The following CD8B2 variants were observed in gnomAD, a reference collection of about 807,000 sequenced individuals.
CD8B2 encodes CD8B family member 2.
In CD8B2, 11 loss-of-function variants were observed where a neutral mutation model predicts 23.7. That is an observed-to-expected ratio of 0.46 (90% confidence interval 0.29 to 0.77). CD8B2 has a LOEUF of 0.77. Among genes scored for constraint, CD8B2 ranks in the 30% least tolerant of loss-of-function variants. The pLI, the probability that CD8B2 is intolerant of heterozygous loss-of-function variation, is 0.09. For synonymous variants in CD8B2, 90 were observed against 109.3 expected (o/e 0.82, Z 1.10); for missense variants, 197 against 270.5 (o/e 0.73, Z 1.91).
At chr2:106,534,709 G>A (rs773645122) in intron 5 of CD8B2, among the ~76,000 whole-genome samples, 7 of 152,178 alleles carry the variant, frequency 4.6e-5, no homozygotes, top group South Asian at 2.1e-4. Flanking sequence ...GCTGATTGTC[G>A]CAGGGGTCTA....
intron 2 of CD8B2, among the ~76,000 whole-genome samples, chr2:106,494,494 G>C (rs549306479): frequency 6.7e-6 from 1 of 149,650 alleles, no homozygotes; most frequent in East Asian, 1.9e-4. Context: ...CTGTCCCCCT[G>C]ACTCTAGAGT....
intron 5 of CD8B2, among the ~76,000 whole-genome samples, chr2:106,530,441 C>T (rs1256359724): frequency 5.9e-5 from 9 of 152,132 alleles, no homozygotes; most frequent in African/African-American, 1.7e-4. Flanking sequence ...TGCAGTGGCG[C>T]GATCTCGGCT....
intron 5 of CD8B2, among the ~76,000 whole-genome samples, chr2:106,530,147 T>C (rs1053490898): frequency 2.6e-5 from 4 of 152,152 alleles, no homozygotes; most frequent in Admixed American, 2.0e-4. Flanking sequence ...CTTCCTATTG[T>C]ATAAAGTGCA....
At chr2:106,523,615 A>G (rs536551747) in intron 5 of CD8B2, among the ~76,000 whole-genome samples, 2 of 152,316 alleles carry the variant, frequency 1.3e-5, no homozygotes, top group Non-Finnish European at 2.9e-5. Context: ...AGTTGGTGTT[A>G]CAAGAACATC....
chr2:106,529,437 T>A (rs1474556757), intron 5 of CD8B2, among the ~76,000 whole-genome samples: 1 of 152,190 alleles, frequency 6.6e-6, no homozygotes, highest in Non-Finnish European at 1.5e-5. Context: ...CTATCTCAAG[T>A]ACCATATGCC....
rs557708287 is a variant in CD8B2, at chr2:106,487,608, T to C, written c.43+139T>C. 65 of 426,412 alleles carry C rather than the reference T, an allele frequency of 1.5e-4. 1 individual carries two copies. The South Asian group carries it at 6.5e-3, about 42-fold the overall frequency. The allele number at this position is 426,412 out of a possible 1,614,324, so 26.4% of individuals were successfully genotyped here. ...GTGGCGGGGCGCCCGGGAGGCAGCT[T>C]GGCAGGCAGGGTCCCTAAGGGTGGA... On this transcript the variant is annotated intron_variant, in intron 1 of 5. Transcript: ENST00000643224.
At position 106,505,976 on chromosome 2, in the gene CD8B2, A is replaced by G. The variant is rs193298480; in HGVS notation, c.621-952A>G. ...GTGAAACCCCATCTCTACTAAAAAT[A>G]CAAAAAATTAACTGGGCGTGGTGGC... On this transcript the variant is annotated intron_variant, in intron 5 of 5. Transcript: ENST00000643224. 5.9e-4 allele frequency among the ~76,000 whole-genome samples: 90 copies of G among 152,264 alleles called. 3 individuals are homozygous for G. The highest frequency in any genetic ancestry group is 3.4e-3 in the Middle Eastern group (1 of 294).
At chr2:106,515,760 A>G (rs779230481), downstream of CD8B2, among the ~76,000 whole-genome samples, 1 of 152,174 alleles carries the variant, frequency 6.6e-6, no homozygotes, top group Non-Finnish European at 1.5e-5. Context: ...CAACAGCATC[A>G]AGAAATCTGA....
chr2:106,524,230 C>G (rs1413641720), intron 5 of CD8B2, among the ~76,000 whole-genome samples: 2 of 152,134 alleles, frequency 1.3e-5, no homozygotes, highest in South Asian at 4.1e-4. Context: ...GTTTCCTGGG[C>G]AGGTTGTGGG....
downstream of CD8B2, among the ~76,000 whole-genome samples, chr2:106,513,163 A>C (rs1183762901): frequency 6.8e-6 from 1 of 147,650 alleles, no homozygotes; most frequent in Middle Eastern, 3.2e-3. Flanking sequence ...TGTGAGGACC[A>C]CTCGGGATGT....
intron 5 of CD8B2, among the ~76,000 whole-genome samples, chr2:106,523,548 C>A (rs571678793): frequency 6.6e-6 from 1 of 152,104 alleles, no homozygotes; most frequent in Non-Finnish European, 1.5e-5. Flanking sequence ...AATAGGGCCT[C>A]CTGTGTGATG....
intron 5 of CD8B2, among the ~76,000 whole-genome samples, chr2:106,536,130 G>T (rs1235588489): frequency 6.6e-6 from 1 of 151,546 alleles, no homozygotes; most frequent in Non-Finnish European, 1.5e-5. Context: ...TGCCTCCAGG[G>T]TTCAAGCGAT....
chr2:106,516,346 C>T (rs753995455), intron 5 of CD8B2, among the ~76,000 whole-genome samples: 14 of 152,292 alleles, frequency 9.2e-5, no homozygotes, highest in Admixed American at 5.2e-4. Flanking sequence ...GGAAGGCTCA[C>T]GTGGCCTCTG....
At chr2:106,496,047 C>T (rs1573330715) in intron 2 of CD8B2, 126 bp from the exon 3 acceptor site, 2 of 1,486,138 alleles carry the variant, frequency 1.3e-6, no homozygotes, top group East Asian at 4.9e-5. Context: ...GATCTCCTGC[C>T]TTGGCCTCCG....
downstream of CD8B2, among the ~76,000 whole-genome samples, chr2:106,512,870 C>G (rs373351594): frequency 1.3e-5 from 2 of 152,140 alleles, no homozygotes; most frequent in Admixed American, 6.5e-5. Context: ...CCCCAGGGCT[C>G]GCAGTCTTGC....
At chr2:106,541,753 G>A (rs955346978) in intron 5 of CD8B2, among the ~76,000 whole-genome samples, 1 of 152,212 alleles carries the variant, frequency 6.6e-6, no homozygotes, top group Non-Finnish European at 1.5e-5. Context: ...GAGTGGCATT[G>A]TGAAAGGCAT....
chr2:106,495,162 CATT>C (rs1448166424), intron 2 of CD8B2, among the ~76,000 whole-genome samples: 1 of 152,054 alleles, frequency 6.6e-6, no homozygotes. Flanking sequence ...TGGCAGTTAT[CATT>C]ATTTCAGCAG....
At chr2:106,526,032 G>T (rs1679901771) in intron 5 of CD8B2, among the ~76,000 whole-genome samples, 1 of 152,146 alleles carries the variant, frequency 6.6e-6, no homozygotes, top group South Asian at 2.1e-4. Flanking sequence ...CCTGAGCTCA[G>T]AACTTTGAGA....
chr2:106,530,374 G>T (rs1679974377), intron 5 of CD8B2, among the ~76,000 whole-genome samples: 1 of 152,038 alleles, frequency 6.6e-6, no homozygotes, highest in Admixed American at 6.6e-5. Flanking sequence ...TGTGAACCAG[G>T]AGCAACTCCA....
Sources: allele counts gnomAD v4.1 joint callset (sites outside exome capture counted in the v4.1 genomes callset), GRCh38; gene constraint gnomAD v4.1.1; transcripts MANE v1.5; gene names NCBI Gene and HGNC (gene_info 2026-07-23, HGNC 2026-07-21).